The following FBXL7 variants were observed in gnomAD, a reference collection of about 807,000 sequenced individuals.
FBXL7 encodes the protein F-box and leucine rich repeat protein 7.
Under a neutral mutation model 38.3 loss-of-function variants are expected in FBXL7, and 12 were observed. The observed-to-expected ratio is 0.31, with a 90% CI of 0.20 to 0.51. FBXL7 has a LOEUF of 0.51. FBXL7 is among the 20% of genes least tolerant of loss of function. FBXL7 has a pLI of 0.98. For synonymous variants in FBXL7, 297 were observed against 300.9 expected (o/e 0.99, Z 0.13); for missense variants, 567 against 676.4 (o/e 0.84, Z 1.79).
intron 2 of FBXL7, among the ~76,000 whole-genome samples, chr5:15,837,661 T>A (rs1357715176): frequency 6.6e-6 from 1 of 152,154 alleles, no homozygotes; most frequent in African/African-American, 2.4e-5. Flanking sequence ...ACTTCCCATT[T>A]AAAAAAATTC....
chr5:15,560,041 T>G (rs1738366848), intron 1 of FBXL7, among the ~76,000 whole-genome samples: 1 of 152,190 alleles, frequency 6.6e-6, no homozygotes, highest in Non-Finnish European at 1.5e-5. Context: ...ATTGAAGGCA[T>G]CTTACAAATA....
chr5:15,552,434 A>G (rs937701466), intron 1 of FBXL7, among the ~76,000 whole-genome samples: 3 of 152,186 alleles, frequency 2.0e-5, no homozygotes, highest in African/African-American at 7.2e-5. Context: ...AATTGGTCTC[A>G]TTGACTCACA....
In FBXL7 at chr5:15,877,320, C is replaced by G. The variant is rs191447890; in HGVS notation, c.128-50570C>G. 1.9e-4 allele frequency among the ~76,000 whole-genome samples: 29 copies of G among 152,350 alleles called. No individual in the cohort carries two copies. In the South Asian group the frequency reaches 6.0e-3, roughly 32 times the overall value. On this transcript the variant is annotated intron_variant, in intron 2 of 3. Transcript: ENST00000504595. ...AGAATTTGAATGGAAAGCTCTTGCT[C>G]AGTCACTTTGCATAGTTTCTATTGA...
At position 15,532,156 on chromosome 5, in the gene FBXL7, C is replaced by T. The variant is rs568749899; in HGVS notation, c.37+31443C>T. On this transcript the variant is annotated intron_variant, in intron 1 of 3. Transcript: ENST00000504595. ...TGTGCCTGAATATATTTTTACTGAA[C>T]GTCTGTCATTAACTGTGTAGTCATT... is the stretch of plus-strand genomic sequence containing the variant. Among the ~76,000 whole-genome samples the T allele has an allele frequency of 8.5e-5, 13 of 152,270 alleles. No homozygotes were observed. In the South Asian group the frequency reaches 1.7e-3, roughly 19 times the overall value.
At chr5:15,595,916 G>A (rs1034560458) in intron 1 of FBXL7, among the ~76,000 whole-genome samples, 3 of 152,164 alleles carry the variant, frequency 2.0e-5, no homozygotes, top group Non-Finnish European at 2.9e-5. Flanking sequence ...AATGAGAGTA[G>A]TCCCAGGGGT....
At chr5:15,590,642 C>T (rs563793647) in intron 1 of FBXL7, among the ~76,000 whole-genome samples, 3 of 152,086 alleles carry the variant, frequency 2.0e-5, no homozygotes, top group Non-Finnish European at 4.4e-5. Flanking sequence ...TGTAACTTTC[C>T]AGACCACCTT....
In FBXL7 at chr5:15,936,706, C is replaced by T. The variant is rs1456030841; in HGVS notation, c.996C>T (p.Ser332=). ...CCTCCATCAAGGAGCTGAGCGTCAG[C>T]GACTGCCGCTTCGTCAGCGACTTCG... The part of the protein sequence containing the change: ...YCASIKELSV[S]DCRFVSDFGL... The change falls in exon 4 of 4, where the codon AGC becomes AGT. Residue 332 remains serine (S), a synonymous_variant. Coordinates refer to ENST00000504595, the MANE Select transcript of FBXL7 (RefSeq NM_012304.5). This position sits in a 1 kb window ranked among gnomAD's most constrained non-coding sequence, Gnocchi z 6.0. 14 of 1,607,950 alleles carry T rather than the reference C, an allele frequency of 8.7e-6. No homozygotes were observed. Among genetic ancestry groups the T allele is most frequent in the Non-Finnish European group, 1.2e-5 (14 of 1,179,498 alleles).
At chr5:15,845,125 T>C (rs1314632541) in intron 2 of FBXL7, among the ~76,000 whole-genome samples, 1 of 152,198 alleles carries the variant, frequency 6.6e-6, no homozygotes, top group Admixed American at 6.5e-5. Flanking sequence ...TAGTACCCAA[T>C]TGTGTTGATC....
At chr5:15,784,064 A>G (rs925787627) in intron 2 of FBXL7, among the ~76,000 whole-genome samples, 1 of 152,116 alleles carries the variant, frequency 6.6e-6, no homozygotes, top group Non-Finnish European at 1.5e-5. Flanking sequence ...CTGGCAGCCT[A>G]TGTTGCAGTA....
intron 2 of FBXL7, among the ~76,000 whole-genome samples, chr5:15,667,814 C>G (rs1321901773): frequency 1.3e-5 from 2 of 152,106 alleles, no homozygotes; most frequent in East Asian, 3.9e-4. Flanking sequence ...TATTTTCTTT[C>G]TAGTCACTAG....
intron 1 of FBXL7, among the ~76,000 whole-genome samples, chr5:15,613,408 C>T (rs138427806): frequency 1.3e-4 from 20 of 152,208 alleles, no homozygotes; most frequent in Non-Finnish European, 2.6e-4. Context: ...GATAAATGGC[C>T]ACAGCTGCCA....
At chr5:15,801,610 T>G (rs186876149) in intron 2 of FBXL7, among the ~76,000 whole-genome samples, 1 of 151,602 alleles carries the variant, frequency 6.6e-6, no homozygotes, top group African/African-American at 2.4e-5. Context: ...TATGGCCTTA[T>G]AGATATTCAT....
intron 2 of FBXL7, among the ~76,000 whole-genome samples, chr5:15,890,356 C>G (rs1394732367): frequency 2.0e-5 from 3 of 152,130 alleles, no homozygotes; most frequent in Non-Finnish European, 4.4e-5. Context: ...TCAAGCGATT[C>G]TCCTGCCTCA....
chr5:15,936,725 G>A lies in FBXL7; in HGVS notation c.1015G>A (p.Asp339Asn). ...CGTCAGCGACTGCCGCTTCGTCAGC[G>A]ACTTCGGCCTGCGGGAGATCGCCAA... ...LSVSDCRFVS[D>N]FGLREIAKLE... is the part of the protein sequence containing the mutation. Residue 339 changes from aspartate (D) to asparagine (N), a missense_variant, in exon 4 of 4, where the codon GAC becomes AAC. By Grantham distance (23) the Asp-to-Asn change is conservative (BLOSUM62 1). Coordinates refer to ENST00000504595, the MANE Select transcript of FBXL7 (RefSeq NM_012304.5). The surrounding 1 kb of genome is among the most constrained non-coding windows in gnomAD (Gnocchi z 6.0). 2 of 1,608,842 alleles carry A rather than the reference G, an allele frequency of 1.2e-6. No homozygotes were observed. Among genetic ancestry groups the A allele is most frequent in the Non-Finnish European group, 1.7e-6 (2 of 1,179,396 alleles).
chr5:15,776,083 TAGTG>T (rs1474697440), intron 2 of FBXL7, among the ~76,000 whole-genome samples: 5 of 152,114 alleles, frequency 3.3e-5, no homozygotes, highest in Middle Eastern at 3.2e-3. Flanking sequence ...TTAAAAATAA[TAGTG>T]ATAATAATAA....
At chr5:15,770,789 G>A (rs1378645237) in intron 2 of FBXL7, among the ~76,000 whole-genome samples, 2 of 152,184 alleles carry the variant, frequency 1.3e-5, no homozygotes, top group Admixed American at 1.3e-4. Context: ...ATACAGGAAT[G>A]AGTGGGTCTG....
At chr5:15,733,009 C>CA (rs1478911886) in intron 2 of FBXL7, among the ~76,000 whole-genome samples, 2 of 152,282 alleles carry the variant, frequency 1.3e-5, no homozygotes, top group Admixed American at 6.5e-5. Context: ...GAAATGGTCA[C>CA]ACTCTAACAA....
At chr5:15,775,878 CA>C (rs1041858563) in intron 2 of FBXL7, among the ~76,000 whole-genome samples, 9 of 152,126 alleles carry the variant, frequency 5.9e-5, no homozygotes, top group African/African-American at 2.2e-4. Flanking sequence ...GCTTTGAACA[CA>C]GGGGAGCTTC....
At chr5:15,581,910 T>C (rs574006361) in intron 1 of FBXL7, among the ~76,000 whole-genome samples, 1 of 152,102 alleles carries the variant, frequency 6.6e-6, no homozygotes, top group Non-Finnish European at 1.5e-5. Flanking sequence ...GCTCTGACCA[T>C]ACTCTTTGAG....
Sources: gnomAD v4.1 joint callset for allele counts (sites outside exome capture counted in the v4.1 genomes callset) on GRCh38, gnomAD v4.1.1 for gene constraint, Gnocchi (gnomAD v3.1) non-coding constraint, MANE v1.5 for transcripts, NCBI Gene and HGNC (gene_info 2026-07-23, HGNC 2026-07-21) for gene names.